Variants in AFF3 observed in about 807,000 individuals in gnomAD.
AFF3 encodes ALF transcription elongation factor 3.
In AFF3, 32 loss-of-function variants were observed where a neutral mutation model predicts 129.7. The ratio of observed to expected loss-of-function variants is 0.25; its 90% CI spans 0.19 to 0.33. The LOEUF (loss-of-function observed/expected upper bound fraction) is 0.33, where lower values mean the gene tolerates loss of function less well. AFF3 is among the 10% of genes least tolerant of loss of function. The probability of loss-of-function intolerance (pLI) is 1.00; values close to 1 mark genes in which losing one functional copy is unlikely to be tolerated. For synonymous variants in AFF3, 644 were observed against 635.4 expected (o/e 1.01, Z -0.20); for missense variants, 1,373 against 1,592.0 (o/e 0.86, Z 2.34).
chr2:99,734,229 G>A (rs1447000794), intron 10 of AFF3, among the ~76,000 whole-genome samples: 1 of 152,028 alleles, frequency 6.6e-6, no homozygotes, highest in Admixed American at 6.5e-5. Flanking sequence ...GTTAGTGTAG[G>A]GAAATGAAAT....
intron 8 of AFF3, among the ~76,000 whole-genome samples, chr2:99,834,667 G>A (rs761574999): frequency 7.9e-5 from 12 of 152,148 alleles, no homozygotes; most frequent in Middle Eastern, 6.8e-3. Context: ...CATCTTTCTC[G>A]TCCTCTCAGA....
intron 4 of AFF3, among the ~76,000 whole-genome samples, chr2:100,017,092 A>G (rs1388549301): frequency 6.6e-6 from 1 of 151,986 alleles, no homozygotes; most frequent in Non-Finnish European, 1.5e-5. Context: ...TGAAAGTGGT[A>G]GTGAAGGTGC....
chr2:99,709,990 T>C (rs1677749039), intron 11 of AFF3, among the ~76,000 whole-genome samples: 1 of 152,246 alleles, frequency 6.6e-6, no homozygotes, highest in Admixed American at 6.5e-5. Context: ...CAAGTGCTTC[T>C]GAGTCAAACA....
chr2:99,616,382 A>T (rs1681432988), intron 13 of AFF3, among the ~76,000 whole-genome samples: 1 of 152,094 alleles, frequency 6.6e-6, no homozygotes, highest in African/African-American at 2.4e-5. Context: ...TAAAATTTAC[A>T]TACCACCCCT....
At chr2:99,819,127 C>T (rs187437075) in intron 8 of AFF3, among the ~76,000 whole-genome samples, 34 of 152,304 alleles carry the variant, frequency 2.2e-4, no homozygotes, top group African/African-American at 7.5e-4. Context: ...TGATTTATGA[C>T]GTCCCACTGG....
chr2:100,105,910 G>C (rs1479952450), intron 2 of AFF3: 13 of 1,330,362 alleles, frequency 9.8e-6, no homozygotes, highest in Non-Finnish European at 1.3e-5. Flanking sequence ...GTCCCTTCCA[G>C]CACTCTCCCC....
chr2:99,594,627 T>C (rs1679107550), intron 14 of AFF3, among the ~76,000 whole-genome samples: 1 of 152,214 alleles, frequency 6.6e-6, no homozygotes, highest in Non-Finnish European at 1.5e-5. Flanking sequence ...TATGTACATA[T>C]GTAAACTTGA....
At chr2:100,139,964 G>A (rs1692794352) in intron 1 of AFF3, among the ~76,000 whole-genome samples, 1 of 152,172 alleles carries the variant, frequency 6.6e-6, no homozygotes, top group Non-Finnish European at 1.5e-5. Context: ...GCTCCAGAGG[G>A]TGCAAATGGG....
chr2:99,690,980 A>T (rs957703150), intron 11 of AFF3, among the ~76,000 whole-genome samples: 4 of 152,006 alleles, frequency 2.6e-5, no homozygotes, highest in Non-Finnish European at 5.9e-5. Flanking sequence ...CCAGGCTGTG[A>T]CAAAGGGAAG....
chr2:99,850,855 T>C (rs1257043647), intron 7 of AFF3, among the ~76,000 whole-genome samples: 1 of 152,228 alleles, frequency 6.6e-6, no homozygotes, highest in Non-Finnish European at 1.5e-5. Flanking sequence ...TTATAGCAGC[T>C]AACAAATTAA....
chr2:99,800,600 TG>T (rs1400779833), intron 8 of AFF3, among the ~76,000 whole-genome samples: 1 of 152,222 alleles, frequency 6.6e-6, no homozygotes, highest in African/African-American at 2.4e-5. Flanking sequence ...AAAGACATTT[TG>T]TGTGTTATAA....
chr2:99,583,043 C>T, intron 16 of AFF3, 44 bp from the exon 17 acceptor site: 1 of 1,582,094 alleles, frequency 6.3e-7, no homozygotes, highest in Non-Finnish European at 8.7e-7. Flanking sequence ...AGAGTCAGCA[C>T]AGGGAAAGGT....
chr2:99,766,188 G>A (rs937593805), intron 8 of AFF3, among the ~76,000 whole-genome samples: 1 of 152,236 alleles, frequency 6.6e-6, no homozygotes, highest in Non-Finnish European at 1.5e-5. Context: ...AAACTACTGG[G>A]GCCAGGATCA....
chr2:100,012,328 C>A (rs1347347596), intron 4 of AFF3, among the ~76,000 whole-genome samples: 1 of 152,194 alleles, frequency 6.6e-6, no homozygotes, highest in Admixed American at 6.5e-5. Flanking sequence ...CTGTAGCCTC[C>A]ACTGAGCTGC....
At chr2:99,905,379 G>A (rs1694638147) in intron 7 of AFF3, among the ~76,000 whole-genome samples, 1 of 152,126 alleles carries the variant, frequency 6.6e-6, no homozygotes, top group Non-Finnish European at 1.5e-5. Flanking sequence ...GCCAAGGATG[G>A]TCACCCATGA....
chr2:99,906,035 G>C (rs1236810645), intron 7 of AFF3, among the ~76,000 whole-genome samples: 1 of 152,024 alleles, frequency 6.6e-6, no homozygotes, highest in African/African-American at 2.4e-5. Context: ...AACTTTCATA[G>C]GTCCCAACAC....
intron 7 of AFF3, among the ~76,000 whole-genome samples, chr2:99,986,201 AAATAATAATAATAAT>A (rs35535526): frequency 1.9e-3 from 266 of 137,098 alleles, no homozygotes; most frequent in African/African-American, 4.6e-3. Flanking sequence ...ACTTCATCTC[AAATAATAATAATAAT>A]AATAATAATA....
chr2:99,607,925 T>C (rs1680533116), intron 13 of AFF3, among the ~76,000 whole-genome samples: 1 of 152,224 alleles, frequency 6.6e-6, no homozygotes, highest in African/African-American at 2.4e-5. Context: ...AAATGGTAAA[T>C]GCGGGATTGA....
chr2:100,016,650 GTGT>G (rs1424395701), intron 4 of AFF3, among the ~76,000 whole-genome samples: 5 of 150,088 alleles, frequency 3.3e-5, no homozygotes, highest in Non-Finnish European at 5.9e-5. Flanking sequence ...GGTGGTAATG[GTGT>G]TGGTGATGAA....
Sources: allele counts gnomAD v4.1 joint callset (sites outside exome capture counted in the v4.1 genomes callset), GRCh38; gene constraint gnomAD v4.1.1; transcripts MANE v1.5; gene names NCBI Gene and HGNC (gene_info 2026-07-23, HGNC 2026-07-21).